C8orf90: variants seen among roughly 807,000 people sequenced by gnomAD.
C8orf90 encodes the protein uncharacterized protein C8orf90.
At chr8:141,514,811 C>T in the C8orf90 span, 1 of 694,418 alleles carries the variant, frequency 1.4e-6, no homozygotes, top group Non-Finnish European at 2.6e-6. Context: ...GGGGACGGGG[C>T]ACCTGGGGCT....
At chr8:141,516,580 C>T in the C8orf90 span, among the ~76,000 whole-genome samples, 1 of 152,154 alleles carries the variant, frequency 6.6e-6, no homozygotes, top group Non-Finnish European at 1.5e-5. Context: ...ATCTCCTTGA[C>T]CTGGTCAGGA....
At chr8:141,518,292 C>T in the C8orf90 span, 11 of 663,938 alleles carry the variant, frequency 1.7e-5, no homozygotes, top group Admixed American at 6.6e-5. Flanking sequence ...CGCATTTCCG[C>T]GGCATCGGGC....
chr8:141,514,685 C>CG, the C8orf90 span: 1 of 700,600 alleles, frequency 1.4e-6, no homozygotes, highest in Non-Finnish European at 2.6e-6. Flanking sequence ...GCCTGTCTCC[C>CG]GGGCTGCTGG....
the C8orf90 span, chr8:141,518,564 G>A: frequency 1.9e-5 from 8 of 428,950 alleles, no homozygotes; most frequent in African/African-American, 1.5e-4. Context: ...GCCCTGAGCT[G>A]CGCCCGCGCG....
At chr8:141,518,069 T>A in the C8orf90 span, 1 of 507,156 alleles carries the variant, frequency 2.0e-6, no homozygotes, top group Non-Finnish European at 3.4e-6. Flanking sequence ...GCCCTGGCCA[T>A]CCCCAGCTCT....
chr8:141,517,336 G>T, the C8orf90 span, among the ~76,000 whole-genome samples: 1 of 152,250 alleles, frequency 6.6e-6, no homozygotes, highest in African/African-American at 2.4e-5. Context: ...TGGACTGTGT[G>T]CCCAAGTGAG....
At chr8:141,518,664 C>T in the C8orf90 span, 2 of 541,608 alleles carry the variant, frequency 3.7e-6, no homozygotes, top group East Asian at 7.0e-5. Context: ...CGACGGCACC[C>T]CCAGGCTGGC....
the C8orf90 span, chr8:141,518,316 G>T: frequency 1.3e-5 from 9 of 669,008 alleles, no homozygotes; most frequent in East Asian, 2.5e-4. Flanking sequence ...CCTACCGCGC[G>T]CTGGGCAAGC....
chr8:141,518,365 A>G, the C8orf90 span: 1 of 675,776 alleles, frequency 1.5e-6, no homozygotes, highest in Non-Finnish European at 2.7e-6. Flanking sequence ...CGAGAACTTC[A>G]CGCTGCCCTT....
the C8orf90 span, chr8:141,518,349 G>T: frequency 1.5e-6 from 1 of 676,302 alleles, no homozygotes; most frequent in Non-Finnish European, 2.7e-6. Flanking sequence ...CCATCCGCGT[G>T]CTCACCGAGA....
At chr8:141,517,335 T>A in the C8orf90 span, among the ~76,000 whole-genome samples, 1 of 152,262 alleles carries the variant, frequency 6.6e-6, no homozygotes, top group African/African-American at 2.4e-5. Flanking sequence ...CTGGACTGTG[T>A]GCCCAAGTGA....
the C8orf90 span, chr8:141,518,514 G>A: frequency 1.6e-5 from 9 of 564,954 alleles, no homozygotes; most frequent in African/African-American, 1.0e-4. Flanking sequence ...TGCACGCCAC[G>A]GCCCAGGCAG....
chr8:141,518,130 C>T, the C8orf90 span: 30 of 525,006 alleles, frequency 5.7e-5, no homozygotes, highest in African/African-American at 2.4e-4. Context: ...CCTCTCTTCG[C>T]GCCCGGCCTC....
chr8:141,518,484 C>T, the C8orf90 span: 1 of 637,616 alleles, frequency 1.6e-6, no homozygotes, highest in Non-Finnish European at 2.8e-6. Flanking sequence ...GAGCTTCGCC[C>T]CCAGCGCTGC....
At chr8:141,516,321 T>G in the C8orf90 span, among the ~76,000 whole-genome samples, 1 of 152,146 alleles carries the variant, frequency 6.6e-6, no homozygotes, top group South Asian at 2.1e-4. Flanking sequence ...GGAAGGTCAT[T>G]TGTCTTTGCT....
At chr8:141,516,494 G>A in the C8orf90 span, among the ~76,000 whole-genome samples, 1 of 152,118 alleles carries the variant, frequency 6.6e-6, no homozygotes, top group Non-Finnish European at 1.5e-5. Flanking sequence ...GGCAGCACAC[G>A]GCTCAGGTCC....
the C8orf90 span, chr8:141,518,290 C>T: frequency 7.5e-6 from 5 of 664,068 alleles, no homozygotes; most frequent in Admixed American, 6.6e-5. Context: ...GGCGCATTTC[C>T]GCGGCATCGG....
the C8orf90 span, chr8:141,518,579 G>A: frequency 7.0e-6 from 3 of 430,608 alleles, no homozygotes; most frequent in South Asian, 1.6e-4. Flanking sequence ...CGCGCGCGGG[G>A]CCCGGGCCCG....
chr8:141,518,532 C>G, the C8orf90 span: 1 of 529,844 alleles, frequency 1.9e-6, no homozygotes, highest in East Asian at 3.5e-5. Flanking sequence ...CAGCGATGCG[C>G]AAGCGGCGCC....
Sources: gnomAD v4.1 joint callset for allele counts (sites outside exome capture counted in the v4.1 genomes callset) on GRCh38, gnomAD v4.1.1 for gene constraint, MANE v1.5 for transcripts, NCBI Gene and HGNC (gene_info 2026-07-23, HGNC 2026-07-21) for gene names.